ATG7: variants seen among roughly 807,000 people sequenced by gnomAD.
The protein encoded by ATG7 is autophagy related 7.
ATG7 carries 70 observed loss-of-function variants against 82.4 expected under a neutral mutation model. The ratio of observed to expected loss-of-function variants is 0.85; its 90% confidence interval spans 0.70 to 1.04. The LOEUF (loss-of-function observed/expected upper bound fraction) is 1.04. Ranked by LOEUF, ATG7 falls within the 50% of genes least tolerant of loss-of-function variation. The probability of loss-of-function intolerance (pLI) is 0.00; values close to 1 mark genes in which losing one functional copy is unlikely to be tolerated. For synonymous variants in ATG7, 287 were observed against 313.0 expected (o/e 0.92, Z 0.88); for missense variants, 792 against 864.3 (o/e 0.92, Z 1.05).
chr3:11,301,009 A>G (rs1164630334), intron 5 of ATG7, among the ~76,000 whole-genome samples: 5 of 152,236 alleles, frequency 3.3e-5, no homozygotes, highest in African/African-American at 1.2e-4. Flanking sequence ...GTATAGTATA[A>G]GAACAAAAGG....
chr3:11,348,182 C>A, intron 14 of ATG7, 147 bp downstream of exon 14: 1 of 1,138,822 alleles, frequency 8.8e-7, no homozygotes, highest in Non-Finnish European at 1.2e-6. Flanking sequence ...TCTGTTTCCT[C>A]ATCTCAGAGA....
intron 20 of ATG7, among the ~76,000 whole-genome samples, chr3:11,480,148 G>A (rs928577744): frequency 1.3e-5 from 2 of 152,020 alleles, no homozygotes; most frequent in Non-Finnish European, 2.9e-5. Flanking sequence ...AGCCAGCATG[G>A]TCTCGATCTC....
chr3:11,532,443 C>G (rs2092710934), intron 20 of ATG7, among the ~76,000 whole-genome samples: 1 of 152,140 alleles, frequency 6.6e-6, no homozygotes, highest in African/African-American at 2.4e-5. Context: ...GCTTCTCAGG[C>G]TGGGTGCAGT....
the ATG7 span, among the ~76,000 whole-genome samples, chr3:11,575,968 T>C: frequency 6.6e-6 from 1 of 152,198 alleles, no homozygotes; most frequent in Admixed American, 6.5e-5. Context: ...GATCCTCAGG[T>C]CACGTTTCTG....
chr3:11,513,053 CAG>C (rs1289576942), intron 20 of ATG7, among the ~76,000 whole-genome samples: 2 of 152,216 alleles, frequency 1.3e-5, no homozygotes, highest in Non-Finnish European at 1.5e-5. Context: ...GAGCTAGACA[CAG>C]GGTGCTGATT....
intron 18 of ATG7, among the ~76,000 whole-genome samples, chr3:11,371,684 G>A (rs1391807554): frequency 1.3e-5 from 2 of 151,156 alleles, no homozygotes; most frequent in East Asian, 3.9e-4. Flanking sequence ...AGGCATTTGA[G>A]AACCACTGCT....
intron 19 of ATG7, among the ~76,000 whole-genome samples, chr3:11,403,263 T>G (rs1184260771): frequency 6.6e-6 from 1 of 151,906 alleles, no homozygotes; most frequent in African/African-American, 2.4e-5. Flanking sequence ...TCTTTTGGAG[T>G]GCGGAGAGGA....
intron 1 of ATG7, 104 bp downstream of exon 1, chr3:11,272,534 C>T (rs181919321): frequency 1.3e-5 from 2 of 152,778 alleles, no homozygotes; most frequent in East Asian, 1.9e-4. Context: ...AGGGTCACAG[C>T]AAGTCTCAGG....
the ATG7 span, chr3:11,564,706 C>T: frequency 6.2e-6 from 9 of 1,445,828 alleles, no homozygotes; most frequent in Non-Finnish European, 5.6e-6. Context: ...CCCTCACCAC[C>T]GCCCTCGGAG....
intron 20 of ATG7, among the ~76,000 whole-genome samples, chr3:11,525,505 G>T (rs1351236698): frequency 4.8e-4 from 39 of 80,816 alleles, no homozygotes; most frequent in Admixed American, 1.1e-3. Flanking sequence ...ATGCTCATTT[G>T]TTTGTTGATT....
chr3:11,388,432 C>CTTT (rs111590381), intron 19 of ATG7, among the ~76,000 whole-genome samples: 1 of 137,534 alleles, frequency 7.3e-6, no homozygotes. Flanking sequence ...CATGTTCCTT[C>CTTT]TTTTTTTTTT....
At chr3:11,484,705 C>A (rs973410092) in intron 20 of ATG7, among the ~76,000 whole-genome samples, 2 of 152,204 alleles carry the variant, frequency 1.3e-5, no homozygotes, top group African/African-American at 4.8e-5. Flanking sequence ...CCCCTGACCC[C>A]ACGACAGTCC....
chr3:11,548,925 G>T (rs1049363895), intron 20 of ATG7, among the ~76,000 whole-genome samples: 1 of 152,244 alleles, frequency 6.6e-6, no homozygotes, highest in East Asian at 1.9e-4. Flanking sequence ...AGGAATCGTG[G>T]CTGTTGCCAG....
intron 20 of ATG7, among the ~76,000 whole-genome samples, chr3:11,536,677 T>C (rs6442259): frequency 0.46 from 70,179 of 151,900 alleles, 17,004 homozygotes; most frequent in African/African-American, 0.6. Flanking sequence ...CACCCATAGG[T>C]GCGGAACGAA....
chr3:11,328,339 G>A (rs1279893818), intron 9 of ATG7, among the ~76,000 whole-genome samples: 2 of 152,134 alleles, frequency 1.3e-5, no homozygotes, highest in African/African-American at 2.4e-5. Context: ...ACTACTCAGC[G>A]TAGTAAGCTC....
At chr3:11,428,555 C>G (rs1387185883) in intron 20 of ATG7, among the ~76,000 whole-genome samples, 1 of 152,206 alleles carries the variant, frequency 6.6e-6, no homozygotes, top group Non-Finnish European at 1.5e-5. Flanking sequence ...GAGTCTATTT[C>G]AAGTTTCAGG....
rs1463610561 is a variant in ATG7, at chr3:11,557,136, G to A, written c.*2293G>A. ...GACACAGCACACCCCAGGGGGAGGG[G>A]ATAGAAACGCTCATTGACCAAAAAG... On this transcript the variant is annotated 3_prime_UTR_variant, in exon 21 of 21. Coordinates refer to ENST00000693202, the MANE Select transcript of ATG7 (RefSeq NM_001349232.2). The A allele has an allele frequency of 6.6e-6, 1 of 152,636 alleles. No individual in the cohort carries two copies. Among genetic ancestry groups the A allele is most frequent in the Admixed American group, 6.5e-5 (1 of 15,278 alleles). 9.5% of individuals were successfully genotyped at this position (152,636 alleles called of 1,614,324 possible).
chr3:11,401,388 G>C (rs1475673725), intron 19 of ATG7, among the ~76,000 whole-genome samples: 1 of 152,150 alleles, frequency 6.6e-6, no homozygotes, highest in East Asian at 1.9e-4. Context: ...GCTTATGTCA[G>C]TCAAGTATGT....
At chr3:11,406,508 A>G (rs544066589) in intron 19 of ATG7, among the ~76,000 whole-genome samples, 2 of 152,168 alleles carry the variant, frequency 1.3e-5, no homozygotes, top group Admixed American at 6.5e-5. Context: ...ACATCTTGCT[A>G]TATTGCCCAG....
Sources: gnomAD v4.1 joint callset for allele counts (sites outside exome capture counted in the v4.1 genomes callset) on GRCh38, gnomAD v4.1.1 for gene constraint, MANE v1.5 for transcripts, NCBI Gene and HGNC (gene_info 2026-07-23, HGNC 2026-07-21) for gene names.